The following IRAK2 variants were observed in gnomAD, a reference collection of about 807,000 sequenced individuals.
The protein encoded by IRAK2 is interleukin-1 receptor-associated kinase-like 2.
In IRAK2, 57 loss-of-function variants were observed where a neutral mutation model predicts 72.0. That is an observed-to-expected ratio of 0.79 (90% CI 0.64 to 0.99). The LOEUF (loss-of-function observed/expected upper bound fraction) is 0.99. Ranked by LOEUF, IRAK2 falls within the 50% of genes least tolerant of loss-of-function variation. The pLI is 0.00. For missense variants in IRAK2, 790 were observed against 794.4 expected, an observed-to-expected ratio of 0.99 and a Z score of 0.07; for synonymous variants, 293 against 312.7, an observed-to-expected ratio of 0.94 and a Z score of 0.67.
Position 10,242,141 on chromosome 3 carries a change from G to T in IRAK2, c.1791G>T (p.Glu597Asp). 4 of 1,612,734 alleles carry T rather than the reference G, an allele frequency of 2.5e-6. No homozygotes were observed. The highest frequency in any genetic ancestry group is 3.4e-6 in the Non-Finnish European group (4 of 1,179,070). Residue 597 changes from glutamate to aspartate, a missense_variant, in exon 13 of 13, where the codon GAG (glutamate) becomes GAT (aspartate). Physicochemically the swap from Glu to Asp is conservative, Grantham distance 45 (BLOSUM62 2). Coordinates refer to ENST00000256458, the MANE Select transcript of IRAK2 (RefSeq NM_001570.4). ...QDVTETSWQI[E>D]INEAKRKLME... ...TTACAGAAACTTCGTGGCAAATTGA[G>T]ATCAATGAGGCCAAAAGGAAACTGA... is the stretch of plus-strand genomic sequence containing the variant.
chr3:10,175,985 AT>A (rs1326143465), intron 1 of IRAK2, among the ~76,000 whole-genome samples: 1 of 144,344 alleles, frequency 6.9e-6, no homozygotes, highest in African/African-American at 2.5e-5. Flanking sequence ...AGAGGGGGTG[AT>A]TTTTGGAAAG....
intron 1 of IRAK2, among the ~76,000 whole-genome samples, chr3:10,165,525 C>T (rs1696669611): frequency 6.6e-6 from 1 of 151,916 alleles, no homozygotes; most frequent in Non-Finnish European, 1.5e-5. Context: ...AACGGAGTTT[C>T]GCTGTTGTTG....
chr3:10,165,719 C>CTTTTTTTTT (rs1696673297), intron 1 of IRAK2, among the ~76,000 whole-genome samples: 1 of 89,294 alleles, frequency 1.1e-5, no homozygotes, highest in African/African-American at 4.9e-5. Context: ...TGGTCTTGAA[C>CTTTTTTTTT]TATTTTTTTT....
chr3:10,228,990 T>C (rs1697820568), intron 10 of IRAK2, among the ~76,000 whole-genome samples: 1 of 151,720 alleles, frequency 6.6e-6, no homozygotes, highest in African/African-American at 2.4e-5. Flanking sequence ...TGGAGTGCAG[T>C]GGGCGTGATC....
At chr3:10,185,009 G>A (rs1697031111) in intron 2 of IRAK2, among the ~76,000 whole-genome samples, 2 of 150,990 alleles carry the variant, frequency 1.3e-5, no homozygotes, top group Non-Finnish European at 2.9e-5. Flanking sequence ...GGGATTACAG[G>A]CGTGAGCCCC....
chr3:10,239,053 CAG>C lies in IRAK2; in HGVS notation c.1765+17_1765+18del. The C allele has an allele frequency of 1.3e-6, 2 of 1,570,974 alleles. No homozygotes were observed. Among genetic ancestry groups the C allele is most frequent in the Non-Finnish European group, 1.7e-6 (2 of 1,160,746 alleles). On this transcript the variant is annotated intron_variant, in intron 12 of 12. Transcript: ENST00000256458. ...CTCCCCAGGATGGTAAGCCGGAAGTCAGAGTGCATTTGGATGCTCATGTGTGT... is the reference window on the plus strand; with the variant it reads ...CTCCCCAGGATGGTAAGCCGGAAGTCAGTGCATTTGGATGCTCATGTGTGT...
At position 10,209,676 on chromosome 3, in the gene IRAK2, C is replaced by G. The variant is rs147320005; in HGVS notation, c.512C>G (p.Thr171Ser). The stretch of plus-strand genomic sequence containing the variant: ...CATTCCTTGAGAAGCGACCTCCCCA[C>G]TTCGTCTGATTCAAAGGTAAATCCA... ...APHSLRSDLP[T>S]SSDSKDFSTS... The change falls in exon 4 of 13, where the codon ACT becomes AGT. Residue 171 changes from threonine (T) to serine (S), a missense_variant. Physicochemically the swap from Thr to Ser is moderately conservative, Grantham distance 58 (BLOSUM62 1). Coordinates refer to ENST00000256458, the MANE Select transcript of IRAK2 (RefSeq NM_001570.4). The G allele has an allele frequency of 3.9e-6, 6 of 1,534,278 alleles. No individual in the cohort carries two copies. The highest frequency in any genetic ancestry group is 5.3e-6 in the Non-Finnish European group (6 of 1,142,094).
rs531722376 is a variant in IRAK2, at chr3:10,185,718, T to C, written c.277+7698T>C. Among the ~76,000 whole-genome samples, 7 of 148,878 alleles carry C rather than the reference T, an allele frequency of 4.7e-5. 1 individual carries two copies. Among genetic ancestry groups the C allele is most frequent in the Non-Finnish European group, 1.0e-4 (7 of 67,270 alleles). ...GGTGAAACATCGTCTCTACTAAAAA[T>C]ACAAAAATTAGGCCAGGCGTGGTGG... is the stretch of plus-strand genomic sequence containing the variant. On this transcript the variant is annotated intron_variant, in intron 2 of 12. Transcript: ENST00000256458.
chr3:10,196,805 C>T (rs946182386), intron 2 of IRAK2, among the ~76,000 whole-genome samples: 3 of 152,056 alleles, frequency 2.0e-5, no homozygotes, highest in Non-Finnish European at 4.4e-5. Flanking sequence ...TTGAATTGAA[C>T]GTATCAATAC....
intron 2 of IRAK2, among the ~76,000 whole-genome samples, chr3:10,182,714 A>AT (rs1266320159): frequency 2.0e-5 from 3 of 149,658 alleles, no homozygotes; most frequent in African/African-American, 7.4e-5. Flanking sequence ...CAGGCCCTTT[A>AT]TTTTTTTAAT....
intron 11 of IRAK2, among the ~76,000 whole-genome samples, chr3:10,238,084 T>G (rs1251786214): frequency 4.6e-5 from 7 of 151,888 alleles, no homozygotes; most frequent in Non-Finnish European, 8.8e-5. Flanking sequence ...TGTTAGGAAC[T>G]TAAACTCTTA....
chr3:10,196,001 G>A (rs1265077415), intron 2 of IRAK2, among the ~76,000 whole-genome samples: 2 of 152,200 alleles, frequency 1.3e-5, no homozygotes, highest in Non-Finnish European at 2.9e-5. Flanking sequence ...GGGAGCACAG[G>A]CAGAGCTTTC....
chr3:10,194,797 G>A (rs1697238467), intron 2 of IRAK2, among the ~76,000 whole-genome samples: 1 of 152,196 alleles, frequency 6.6e-6, no homozygotes. Flanking sequence ...TTTATTGCTT[G>A]CATTTTAAAG....
intron 4 of IRAK2, 98 bp from the exon 5 acceptor site, chr3:10,213,109 C>G (rs1697548668): frequency 2.1e-6 from 2 of 974,880 alleles, no homozygotes; most frequent in Non-Finnish European, 3.1e-6. Flanking sequence ...TAAGTTGATC[C>G]CCTCCATCCC....
intron 2 of IRAK2, among the ~76,000 whole-genome samples, chr3:10,184,785 A>G (rs937849651): frequency 3.6e-5 from 5 of 137,630 alleles, no homozygotes; most frequent in South Asian, 2.4e-4. Context: ...GCTGGAGTGC[A>G]GTGGCGCGAT....
chr3:10,242,088 C>T (rs781628518), intron 12 of IRAK2, 28 bp from the exon 13 acceptor site: 5 of 1,314,618 alleles, frequency 3.8e-6, no homozygotes, highest in African/African-American at 1.5e-5. Flanking sequence ...ATTCAAGTCG[C>T]TCTTGTTTGC....
In IRAK2 at chr3:10,181,822, A is replaced by G. The variant is rs544145803; in HGVS notation, c.277+3802A>G. Among the ~76,000 whole-genome samples, 306 of 152,190 alleles carry G rather than the reference A, an allele frequency of 2.0e-3. 1 individual carries two copies. Among genetic ancestry groups the G allele is most frequent in the Non-Finnish European group, 3.8e-3 (260 of 68,032 alleles). ...GGAATCACTCTTGTTATTCAAGGAT[A>G]GTTATCTCAAAACAGTTATGTAATC... is the stretch of plus-strand genomic sequence containing the variant. On this transcript the variant is annotated intron_variant, in intron 2 of 12. Coordinates refer to ENST00000256458, the MANE Select transcript of IRAK2 (RefSeq NM_001570.4).
At chr3:10,211,113 T>C (rs1050545337) in intron 4 of IRAK2, among the ~76,000 whole-genome samples, 7 of 152,140 alleles carry the variant, frequency 4.6e-5, no homozygotes, top group African/African-American at 1.4e-4. Flanking sequence ...TCCGCCCACC[T>C]CAGCATCCCA....
intron 3 of IRAK2, among the ~76,000 whole-genome samples, chr3:10,202,357 C>T (rs1697372364): frequency 6.6e-6 from 1 of 152,188 alleles, no homozygotes; most frequent in Admixed American, 6.6e-5. Context: ...GGCGTGGTAG[C>T]TCATGCCTGT....
Sources: gnomAD v4.1 joint callset for allele counts (sites outside exome capture counted in the v4.1 genomes callset) on GRCh38, gnomAD v4.1.1 for gene constraint, MANE v1.5 for transcripts, NCBI Gene and HGNC (gene_info 2026-07-23, HGNC 2026-07-21) for gene names.